The following RCAN2 variants were observed in gnomAD, a reference collection of about 807,000 sequenced individuals.
RCAN2 encodes the protein regulator of calcineurin 2, also known as calcipressin-2.
In RCAN2, 9 loss-of-function variants were observed where a neutral mutation model predicts 23.6. The observed-to-expected ratio is 0.38, with a 90% CI of 0.23 to 0.67. The LOEUF is 0.67. RCAN2 is among the 30% of genes least tolerant of loss of function. The pLI, the probability that RCAN2 is intolerant of heterozygous loss-of-function variation, is 0.51. For synonymous variants in RCAN2, 109 were observed against 115.7 expected (o/e 0.94, Z 0.37); for missense variants, 273 against 302.3 (o/e 0.90, Z 0.72).
At chr6:46,357,720 G>C (rs1297746319) in intron 2 of RCAN2, among the ~76,000 whole-genome samples, 1 of 152,224 alleles carries the variant, frequency 6.6e-6, no homozygotes, top group African/African-American at 2.4e-5. Flanking sequence ...GCTAGTACAT[G>C]TTGAAGCTGG....
intron 2 of RCAN2, among the ~76,000 whole-genome samples, chr6:46,378,942 C>T (rs929845398): frequency 2.0e-5 from 3 of 152,134 alleles, no homozygotes; most frequent in African/African-American, 7.2e-5. Flanking sequence ...GGGTTCTGAA[C>T]CTAACATGCA....
rs146617315 is a variant in RCAN2 at position 46,455,491 on chromosome 6, A to G, written c.225+1261T>C. On this transcript the variant is annotated intron_variant, in intron 2 of 4. Coordinates refer to ENST00000371374, the MANE Select transcript of RCAN2 (RefSeq NM_001251974.2). The stretch of plus-strand genomic sequence containing the variant: ...ACTTCAGCAATGGGCAGAAAGAGCT[A>G]AAGTCTGTGAAACAGCAACCATAAA... 2.0e-3 allele frequency among the ~76,000 whole-genome samples: 306 copies of G among 152,266 alleles called. 2 individuals carry two copies. Among genetic ancestry groups the G allele is most frequent in the African/African-American group, 6.9e-3 (287 of 41,552 alleles).
At chr6:46,428,305 T>C (rs922073373) in intron 2 of RCAN2, among the ~76,000 whole-genome samples, 5 of 152,116 alleles carry the variant, frequency 3.3e-5, no homozygotes, top group African/African-American at 1.2e-4. Context: ...ATAAGAATGA[T>C]GCCAAAAAAA....
intron 4 of RCAN2, among the ~76,000 whole-genome samples, chr6:46,228,968 A>G (rs915108376): frequency 3.9e-5 from 6 of 152,112 alleles, no homozygotes; most frequent in African/African-American, 1.2e-4. Context: ...AGGCCTGGTG[A>G]TGACAAAATC....
chr6:46,388,776 C>T (rs1032849296), intron 2 of RCAN2, among the ~76,000 whole-genome samples: 1 of 152,080 alleles, frequency 6.6e-6, no homozygotes, highest in Non-Finnish European at 1.5e-5. Context: ...GGGAGGTGAA[C>T]ATCACACACC....
At chr6:46,463,120 T>G (rs559088785) in intron 1 of RCAN2, among the ~76,000 whole-genome samples, 2 of 152,314 alleles carry the variant, frequency 1.3e-5, no homozygotes, top group South Asian at 4.1e-4. Flanking sequence ...TCTAGAGTCT[T>G]GGCAACCTGG....
chr6:46,339,089 A>G (rs569005150), intron 2 of RCAN2, among the ~76,000 whole-genome samples: 2 of 151,470 alleles, frequency 1.3e-5, no homozygotes, highest in East Asian at 3.9e-4. Flanking sequence ...CTATCAGTCC[A>G]TCCATCCACC....
chr6:46,395,970 C>T (rs188464192), intron 2 of RCAN2, among the ~76,000 whole-genome samples: 1 of 152,266 alleles, frequency 6.6e-6, no homozygotes, highest in Non-Finnish European at 1.5e-5. Flanking sequence ...AGTTTCACAA[C>T]CCTGCACGTC....
At position 46,222,967 on chromosome 6, in the gene RCAN2, G is replaced by T; in HGVS notation, c.*174C>A. On this transcript the variant is annotated 3_prime_UTR_variant, in exon 5 of 5. Coordinates refer to ENST00000371374, the MANE Select transcript of RCAN2 (RefSeq NM_001251974.2). ...GGGTTATACTTAATGGGTATGATATGATCAGGAGACATATCACCTTTTCCT... is the reference window on the plus strand; with the variant it reads ...GGGTTATACTTAATGGGTATGATATTATCAGGAGACATATCACCTTTTCCT... 4 of 657,066 alleles carry T rather than the reference G, an allele frequency of 6.1e-6. No homozygotes were observed. The highest frequency in any genetic ancestry group is 1.1e-5 in the Non-Finnish European group (4 of 374,282). The allele number at this position is 657,066 out of a possible 1,614,324, so 40.7% of individuals were successfully genotyped here. A position where few individuals can be genotyped will look rare whatever the true frequency, so the allele number is the denominator to read the frequency against.
chr6:46,303,128 A>G (rs1762959486), intron 2 of RCAN2, among the ~76,000 whole-genome samples: 1 of 152,010 alleles, frequency 6.6e-6, no homozygotes, highest in Non-Finnish European at 1.5e-5. Flanking sequence ...TGGCCATTGC[A>G]AGATTTGCCA....
chr6:46,367,553 T>A (rs1765210545), intron 2 of RCAN2, among the ~76,000 whole-genome samples: 1 of 152,214 alleles, frequency 6.6e-6, no homozygotes, highest in African/African-American at 2.4e-5. Flanking sequence ...ATCATTTAAT[T>A]ATGCTGACCC....
Position 46,419,427 on chromosome 6 carries a change from G to A in RCAN2, c.225+37325C>T, listed in dbSNP as rs545166033. ...CTTCCTCATCCACACACAGAGTACC[G>A]GAGTTTGGAGCTTGCTTCACTTCAA... On this transcript the variant is annotated intron_variant, in intron 2 of 4. Coordinates refer to ENST00000371374, the MANE Select transcript of RCAN2 (RefSeq NM_001251974.2). 9.2e-5 allele frequency among the ~76,000 whole-genome samples: 14 copies of A among 152,192 alleles called. No individual in the cohort carries two copies. The South Asian group carries it at 1.7e-3, about 18-fold the overall frequency.
chr6:46,231,669 C>G (rs531592999), intron 4 of RCAN2, among the ~76,000 whole-genome samples: 5 of 152,270 alleles, frequency 3.3e-5, no homozygotes, highest in Admixed American at 1.3e-4. Context: ...CTTGGCCTCC[C>G]AAAGTGCTGG....
chr6:46,353,068 G>A (rs920948846), intron 2 of RCAN2, among the ~76,000 whole-genome samples: 3 of 152,180 alleles, frequency 2.0e-5, no homozygotes, highest in Non-Finnish European at 1.5e-5. Context: ...ATGTAGAGGT[G>A]GAGTAAAGGC....
intron 4 of RCAN2, among the ~76,000 whole-genome samples, chr6:46,224,520 T>C (rs1265904065): frequency 1.3e-5 from 2 of 152,170 alleles, no homozygotes; most frequent in East Asian, 1.9e-4. Flanking sequence ...CCCCTAATCA[T>C]GACAGCTACA....
Position 46,476,677 on chromosome 6 carries a change from T to C in RCAN2, c.-3+14496A>G, listed in dbSNP as rs191740461. ...TAAATGATTAGAGTGATAGGAGTAATAGGAGTATCTTTTGTGAAAATATTT... is the reference window on the plus strand; with the variant it reads ...TAAATGATTAGAGTGATAGGAGTAACAGGAGTATCTTTTGTGAAAATATTT... On this transcript the variant is annotated intron_variant, in intron 1 of 4. Coordinates refer to ENST00000371374, the MANE Select transcript of RCAN2 (RefSeq NM_001251974.2). 7.7e-3 allele frequency among the ~76,000 whole-genome samples: 1,177 copies of C among 152,310 alleles called. 8 individuals are homozygous for C. The highest frequency in any genetic ancestry group is 0.015 in the Admixed American group (223 of 15,306).
chr6:46,484,770 TG>T (rs1163470134), intron 1 of RCAN2, among the ~76,000 whole-genome samples: 1 of 152,156 alleles, frequency 6.6e-6, no homozygotes, highest in Non-Finnish European at 1.5e-5. Flanking sequence ...CAAACACTCA[TG>T]TATGCTGAAT....
At position 46,246,684 on chromosome 6, in the gene RCAN2, A is replaced by G. The variant is rs752058311; in HGVS notation, c.571+64T>C. ...TGAACCCAGGATCTCAAGGTTGTTA[A>G]TCTCATTTGGCTTTTCTAGGTTGCT... On this transcript the variant is annotated intron_variant, in intron 4 of 4. Transcript: ENST00000371374. 1.5e-4 allele frequency: 206 copies of G among 1,413,082 alleles called. 1 individual carries two copies. Among genetic ancestry groups the G allele is most frequent in the Non-Finnish European group, 1.9e-4 (196 of 1,009,332 alleles). The allele number at this position is 1,413,082 out of a possible 1,614,324, so 87.5% of individuals were successfully genotyped here. A position where few individuals can be genotyped will look rare whatever the true frequency, so the allele number is the denominator to read the frequency against.
At chr6:46,294,150 A>G (rs758066557) in intron 2 of RCAN2, among the ~76,000 whole-genome samples, 5 of 152,118 alleles carry the variant, frequency 3.3e-5, no homozygotes, top group Non-Finnish European at 5.9e-5. Context: ...ATACAAACTA[A>G]TAATAACAGA....
Sources: gnomAD v4.1 joint callset for allele counts (sites outside exome capture counted in the v4.1 genomes callset) on GRCh38, gnomAD v4.1.1 for gene constraint, MANE v1.5 for transcripts, NCBI Gene and HGNC (gene_info 2026-07-23, HGNC 2026-07-21) for gene names.